SDS: variants seen among roughly 807,000 people sequenced by gnomAD.
SDS encodes the protein L-serine dehydratase/L-threonine deaminase.
SDS carries 19 observed loss-of-function variants against 29.3 expected under a neutral mutation model. That is an observed-to-expected ratio of 0.65 (90% CI 0.45 to 0.95). The LOEUF is 0.95. SDS is among the 40% of genes least tolerant of loss of function. The pLI is 0.00. For synonymous variants in SDS, 176 were observed against 189.0 expected, an observed-to-expected ratio of 0.93 and a Z score of 0.56; for missense variants, 375 against 439.9, an observed-to-expected ratio of 0.85 and a Z score of 1.32.
chr12:113,399,694 T>C lies in SDS; in HGVS notation c.15A>G (p.Glu5=). Residue 5 remains glutamate (E), a synonymous_variant, in exon 2 of 8, where the codon GAA becomes GAG. Transcript: ENST00000257549. MMSG[E]PLHVKTPIRD... is the part of the protein sequence containing the mutation. ...GGATGGGGGTCTTCACGTGCAGGGG[T>C]TCTCCAGACATCATTCCTGGGAGAA... 6.3e-7 allele frequency: 1 copy of C among 1,588,270 alleles called. No individual in the cohort carries two copies. The highest frequency in any genetic ancestry group is 8.6e-7 in the Non-Finnish European group (1 of 1,169,060).
Position 113,403,524 on chromosome 12 carries a change from T to TA in SDS, c.-3+243dup, listed in dbSNP as rs1555208034. Among the ~76,000 whole-genome samples the TA allele has an allele frequency of 8.4e-4, 124 of 148,488 alleles. 1 individual carries two copies. In the East Asian group the frequency reaches 0.019, roughly 23 times the overall value. On this transcript the variant is annotated intron_variant, in intron 1 of 7. Transcript: ENST00000257549. ...GGGTGACAGAGTGAGACCTCTGTCTTAAAAAAAAAAAATTTTTTTTGTAGA... is the reference window on the plus strand; with the variant it reads ...GGGTGACAGAGTGAGACCTCTGTCTTAAAAAAAAAAAAATTTTTTTTGTAGA...
At chr12:113,400,580 A>G (rs1593299249) in intron 1 of SDS, among the ~76,000 whole-genome samples, 1 of 151,460 alleles carries the variant, frequency 6.6e-6, no homozygotes, top group South Asian at 2.1e-4. Context: ...CACACGATCC[A>G]CTCCCACACA....
At chr12:113,398,937 TC>T in intron 3 of SDS, 91 bp from the exon 4 acceptor site, 5 of 1,520,316 alleles carry the variant, frequency 3.3e-6, no homozygotes, top group Non-Finnish European at 4.4e-6. Context: ...GCTCTGGAGT[TC>T]CCCCCTCACC....
intron 6 of SDS, among the ~76,000 whole-genome samples, chr12:113,395,426 T>C (rs1160134853): frequency 6.6e-6 from 1 of 152,194 alleles, no homozygotes; most frequent in Non-Finnish European, 1.5e-5. Flanking sequence ...GTCTTCCCTA[T>C]CTGTAGGGGA....
intron 7 of SDS, among the ~76,000 whole-genome samples, chr12:113,393,673 G>T (rs1957625548): frequency 6.6e-6 from 1 of 152,142 alleles, no homozygotes; most frequent in Non-Finnish European, 1.5e-5. Context: ...TGGTTATCAG[G>T]CTTACTTTTC....
chr12:113,396,477 C>CG (rs200595462), intron 6 of SDS, among the ~76,000 whole-genome samples: 7 of 38,812 alleles, frequency 1.8e-4, no homozygotes, highest in East Asian at 7.0e-4. Flanking sequence ...TTTTTTCTTT[C>CG]TTTCTCTCTC....
At chr12:113,394,982 A>G (rs1957636131) in intron 6 of SDS, among the ~76,000 whole-genome samples, 1 of 152,194 alleles carries the variant, frequency 6.6e-6, no homozygotes, top group Admixed American at 6.5e-5. Flanking sequence ...TTCTTGAGAA[A>G]GTGTTAGGTG....
intron 1 of SDS, among the ~76,000 whole-genome samples, chr12:113,402,032 A>C (rs1008253357): frequency 1.2e-4 from 18 of 152,128 alleles, no homozygotes; most frequent in Admixed American, 1.2e-3. Context: ...AGAATGAGCC[A>C]GACATCCCTT....
Position 113,399,559 on chromosome 12 carries a change from C to T in SDS, c.150G>A (p.Lys50=). Residue 50 remains lysine, a synonymous_variant, in exon 2 of 8, where the codon AAG becomes AAA. Transcript: ENST00000257549. The part of the protein sequence containing the change: ...FKIRGIGHFC[K]RWAKQGCAHF... Reference sequence around the variant, plus strand: ...TAATGCTGACCCGGTCCCGTACCCTCTTGCAGAAGTGCCCAATGCCCCGGA... The same window carrying T: ...TAATGCTGACCCGGTCCCGTACCCTTTTGCAGAAGTGCCCAATGCCCCGGA... The T allele has an allele frequency of 6.3e-7, 1 of 1,585,576 alleles. No individual in the cohort carries two copies. Among genetic ancestry groups the T allele is most frequent in the Non-Finnish European group, 8.6e-7 (1 of 1,167,766 alleles).
chr12:113,403,115 T>C (rs947608356), intron 1 of SDS, among the ~76,000 whole-genome samples: 2 of 152,074 alleles, frequency 1.3e-5, no homozygotes, highest in African/African-American at 4.8e-5. Flanking sequence ...ACTCAGTGTT[T>C]AGGCCCAAAT....
chr12:113,397,177 G>A lies in SDS; in HGVS notation c.641C>T (p.Pro214Leu). The stretch of plus-strand genomic sequence containing the variant: ...CCCAGCTGCTCACCTGGTGATCTTG[G>A]GCAGGGAGACAAGTTTGCCTGCGGT... Reference protein sequence around the residue: ...ATTAGKLVSLPKITSVAKALG... With the variant: ...ATTAGKLVSLLKITSVAKALG... The change falls in exon 6 of 8, where the codon CCC (proline) becomes CTC (leucine). Residue 214 changes from proline to leucine, a missense_variant. Pro to Leu is a moderately conservative substitution (Grantham distance 98). Transcript: ENST00000257549. 1 of 1,614,178 alleles carries A rather than the reference G, an allele frequency of 6.2e-7. No individual in the cohort carries two copies. The highest frequency in any genetic ancestry group is 8.5e-7 in the Non-Finnish European group (1 of 1,180,000).
In SDS at chr12:113,401,650, C is replaced by G. The variant is rs752404727; in HGVS notation, c.-2-1940G>C. On this transcript the variant is annotated intron_variant, in intron 1 of 7. Coordinates refer to ENST00000257549, the MANE Select transcript of SDS (RefSeq NM_006843.3). ...GAGGCAGGGAGGCAGGATTTGAACT[C>G]GGGCAGCTGGCTCCAGGGCTCAGGC... Among the ~76,000 whole-genome samples the G allele has an allele frequency of 5.3e-5, 8 of 152,174 alleles. No individual in the cohort carries two copies. The South Asian group carries it at 1.7e-3, about 31-fold the overall frequency.
At position 113,393,930 on chromosome 12, in the gene SDS, G is replaced by A; in HGVS notation, c.740C>T (p.Ser247Leu). ...QEHPIFSEVI[S>L]DQEAVAAIEK... Reference sequence around the variant, plus strand: ...AATGGCGGCCACAGCCTCCTGGTCCGAGATAACTTCAGAGAAAATGGGGTG... The same window carrying A: ...AATGGCGGCCACAGCCTCCTGGTCCAAGATAACTTCAGAGAAAATGGGGTG... The change falls in exon 7 of 8, where the codon TCG (serine) becomes TTG (leucine). Residue 247 changes from serine (S) to leucine (L), a missense_variant. Coordinates refer to ENST00000257549, the MANE Select transcript of SDS (RefSeq NM_006843.3). 2 of 1,614,176 alleles carry A rather than the reference G, an allele frequency of 1.2e-6. No homozygotes were observed. Among genetic ancestry groups the A allele is most frequent in the Non-Finnish European group, 1.7e-6 (2 of 1,180,034 alleles).
At position 113,398,758 on chromosome 12, in the gene SDS, G is replaced by A; in HGVS notation, c.282C>T (p.Leu94=). 2.5e-6 allele frequency: 4 copies of A among 1,614,230 alleles called. No homozygotes were observed. In the South Asian group the frequency reaches 4.4e-5, roughly 18 times the overall value. ...CTTCATTCTTGAGGCGCTCAATGGT[G>A]AGAGCAGGTGTGGTGCTGGGCACCA... is the stretch of plus-strand genomic sequence containing the variant. The part of the protein sequence containing the change: ...TIVVPSTTPA[L]TIERLKNEGA... Residue 94 remains leucine (L), a synonymous_variant, in exon 4 of 8, where the codon CTC becomes CTT. Transcript: ENST00000257549.
intron 1 of SDS, among the ~76,000 whole-genome samples, chr12:113,400,165 C>T (rs140283857): frequency 0.012 from 1,774 of 152,268 alleles, 8 homozygotes; most frequent in Non-Finnish European, 0.017. Flanking sequence ...TGGTGGCGCA[C>T]GCCTGTAACC....
chr12:113,397,453 G>T, intron 5 of SDS, 61 bp from the exon 6 acceptor site: 1 of 1,383,692 alleles, frequency 7.2e-7, no homozygotes, highest in Non-Finnish European at 1.0e-6. Flanking sequence ...CACCAGCTCA[G>T]GTTTGCACCG....
intron 5 of SDS, among the ~76,000 whole-genome samples, chr12:113,398,064 T>C (rs910508338): frequency 3.3e-5 from 5 of 151,188 alleles, no homozygotes; most frequent in African/African-American, 9.7e-5. Flanking sequence ...GTTTCTTCTT[T>C]TTTTTTTTTT....
At chr12:113,402,156 G>A (rs751882183) in intron 1 of SDS, among the ~76,000 whole-genome samples, 35 of 152,148 alleles carry the variant, frequency 2.3e-4, no homozygotes, top group Non-Finnish European at 4.1e-4. Flanking sequence ...CCTGGGAGGG[G>A]AACTTGAACA....
chr12:113,396,372 TTCTC>T (rs1051549984), intron 6 of SDS, among the ~76,000 whole-genome samples: 9 of 150,354 alleles, frequency 6.0e-5, no homozygotes, highest in East Asian at 2.0e-4. Context: ...TTCTTTCTCT[TTCTC>T]TCTTTTTCTT....
Sources: gnomAD v4.1 joint callset for allele counts (sites outside exome capture counted in the v4.1 genomes callset) on GRCh38, gnomAD v4.1.1 for gene constraint, MANE v1.5 for transcripts, NCBI Gene and HGNC (gene_info 2026-07-23, HGNC 2026-07-21) for gene names.